The following CLU variants were observed in gnomAD, a reference collection of about 807,000 sequenced individuals.
CLU encodes the protein aging-associated protein 4.
Under a neutral mutation model 46.4 loss-of-function variants are expected in CLU, and 25 were observed. That is an observed-to-expected ratio of 0.54 (90% CI 0.39 to 0.75). The LOEUF is 0.75. CLU is among the 30% of genes least tolerant of loss of function. CLU has a pLI of 0.00. For synonymous variants in CLU, 235 were observed against 235.1 expected (o/e 1.00, Z 0.00); for missense variants, 504 against 592.1 (o/e 0.85, Z 1.54).
chr8:27,596,990 A>G lies in CLU; in HGVS notation c.*1251T>C, dbSNP rs1438902108. ...TACAATTATGATCACTTAAGCAAAT[A>G]CCTCTGACCCCATAATTCTAATTAA... On this transcript the variant is annotated 3_prime_UTR_variant, in exon 9 of 9. Coordinates refer to ENST00000316403, the MANE Select transcript of CLU (RefSeq NM_001831.4). 1 of 453,940 alleles carries G rather than the reference A, an allele frequency of 2.2e-6. No homozygotes were observed. Among genetic ancestry groups the G allele is most frequent in the Non-Finnish European group, 4.4e-6 (1 of 226,798 alleles). The allele number at this position is 453,940 out of a possible 1,614,324, so 28.1% of individuals were successfully genotyped here.
chr8:27,614,509 C>T, intron 1 of CLU, 146 bp downstream of exon 1: 4 of 359,084 alleles, frequency 1.1e-5, no homozygotes, highest in South Asian at 9.0e-5. Flanking sequence ...GGCCACCTCC[C>T]CTCCCTGGCT....
At chr8:27,598,365 C>G in intron 8 of CLU, 95 bp downstream of exon 8, 1 of 1,598,174 alleles carries the variant, frequency 6.3e-7, no homozygotes, top group Non-Finnish European at 8.6e-7. Context: ...GAGTCGTTCC[C>G]ACCAGGCTAT....
intron 6 of CLU, among the ~76,000 whole-genome samples, chr8:27,600,788 A>G (rs562054187): frequency 4.6e-5 from 7 of 152,312 alleles, no homozygotes; most frequent in African/African-American, 9.6e-5. Flanking sequence ...CGTCCCAGAC[A>G]CCGCAGAAAG....
intron 3 of CLU, 92 bp from the exon 4 acceptor site, chr8:27,606,616 GC>G: frequency 6.6e-7 from 1 of 1,521,012 alleles, no homozygotes; most frequent in Non-Finnish European, 9.1e-7. Context: ...CTGCCCCAGG[GC>G]AGGCCTTCCC....
intron 6 of CLU, among the ~76,000 whole-genome samples, chr8:27,602,590 G>A (rs866726391): frequency 3.2e-4 from 46 of 142,390 alleles, no homozygotes; most frequent in African/African-American, 1.2e-3. Context: ...GATAGAGAGA[G>A]ACCCTGTCTC....
intron 4 of CLU, 31 bp from the exon 5 acceptor site, chr8:27,605,366 G>A (rs1478080263): frequency 4.3e-6 from 7 of 1,613,494 alleles, no homozygotes; most frequent in Non-Finnish European, 5.9e-6. Context: ...ACAGTTAGGA[G>A]AAGCTCACCA....
chr8:27,598,391 T>C, intron 8 of CLU, 69 bp downstream of exon 8: 1 of 1,607,796 alleles, frequency 6.2e-7, no homozygotes, highest in African/African-American at 1.3e-5. Flanking sequence ...CTGCACTTTG[T>C]TTGTTTTTTT....
At position 27,599,539 on chromosome 8, in the gene CLU, G is replaced by A. The variant is rs371782653; in HGVS notation, c.1164+241C>T. The A allele has an allele frequency of 3.9e-5, 21 of 534,054 alleles. 1 individual carries two copies. The highest frequency in any genetic ancestry group is 2.8e-4 in the South Asian group (13 of 46,478). 33.1% of individuals were successfully genotyped at this position (534,054 alleles called of 1,614,324 possible). A position where few individuals can be genotyped will look rare whatever the true frequency, so the allele number is the denominator to read the frequency against. On this transcript the variant is annotated intron_variant, in intron 7 of 8. Coordinates refer to ENST00000316403, the MANE Select transcript of CLU (RefSeq NM_001831.4). This position sits in a 1 kb window ranked among gnomAD's most constrained non-coding sequence, Gnocchi z 4.0. ...GCCAGGCAGTCAGGTTCAAATACCCGTCCAAGTCATCTGTCAGCTATCACA... is the reference window on the plus strand; with the variant it reads ...GCCAGGCAGTCAGGTTCAAATACCCATCCAAGTCATCTGTCAGCTATCACA...
In CLU at chr8:27,598,646, CAA is replaced by C. The variant is rs1227926109; in HGVS notation, c.1165-13_1165-12del. ...AGTGTGGGAAGCCACCTAAATGGAA[CAA>C]GAGAAAAGGGAAGAGCTGAAACACT... On this transcript the variant is annotated splice_polypyrimidine_tract_variant and intron_variant, in intron 7 of 8. Coordinates refer to ENST00000316403, the MANE Select transcript of CLU (RefSeq NM_001831.4). 1.3e-5 allele frequency: 21 copies of C among 1,613,632 alleles called. No homozygotes were observed. The highest frequency in any genetic ancestry group is 1.7e-5 in the Non-Finnish European group (20 of 1,179,892).
intron 6 of CLU, among the ~76,000 whole-genome samples, chr8:27,603,657 GC>G (rs1339873657): frequency 6.6e-6 from 1 of 152,212 alleles, no homozygotes; most frequent in Non-Finnish European, 1.5e-5. Context: ...AGGGACTATT[GC>G]TTGGATGCCC....
intron 1 of CLU, chr8:27,611,210 T>A (rs1450202053): frequency 4.4e-6 from 2 of 454,066 alleles, no homozygotes; most frequent in African/African-American, 2.0e-5. Flanking sequence ...TCCATCTGCA[T>A]CCCTAGTGGG....
intron 6 of CLU, among the ~76,000 whole-genome samples, chr8:27,600,973 C>T (rs985241802): frequency 1.3e-5 from 2 of 152,184 alleles, no homozygotes; most frequent in African/African-American, 2.4e-5. Flanking sequence ...TCTCTGGGCC[C>T]GGGATTGAAC....
In CLU at chr8:27,610,498, G is replaced by C. The variant is rs543157739; in HGVS notation, c.74C>G (p.Thr25Arg). 1 of 1,614,008 alleles carries C rather than the reference G, an allele frequency of 6.2e-7. No individual in the cohort carries two copies. Among genetic ancestry groups the C allele is most frequent in the South Asian group, 1.1e-5 (1 of 91,086 alleles). The change falls in exon 2 of 9, where the codon ACG (threonine) becomes AGG (arginine). Residue 25 changes from threonine (T) to arginine (R), a missense_variant. This residue lies in a region of CLU where 73 missense variants were observed against 91.2 expected (regional missense o/e 0.80). Coordinates refer to ENST00000316403, the MANE Select transcript of CLU (RefSeq NM_001831.4). ...WESGQVLGDQTVSDNELQEMS... is the reference protein window; with the variant it reads ...WESGQVLGDQRVSDNELQEMS... ...ACCCTGGAGCTCATTGTCTGAGACC[G>C]TCTGGTCCCCCAGGACCTGCCCACT...
intron 6 of CLU, 81 bp downstream of exon 6, chr8:27,604,210 A>C (rs1445219738): frequency 1.5e-5 from 16 of 1,088,630 alleles, no homozygotes; most frequent in Non-Finnish European, 2.1e-5. Context: ...TGACTCCATA[A>C]AGGCAGCACC....
chr8:27,612,104 AG>A (rs967835546), intron 1 of CLU: 3 of 315,824 alleles, frequency 9.5e-6, no homozygotes, highest in Admixed American at 4.5e-5. Context: ...AGTCTGCTCC[AG>A]GGAGCCTGGG....
At chr8:27,604,257 G>T in intron 6 of CLU, 34 bp downstream of exon 6, 1 of 1,471,976 alleles carries the variant, frequency 6.8e-7, no homozygotes. Context: ...CAAGGGATCA[G>T]GGGGGACGGC....
chr8:27,600,504 G>A (rs1800700412), intron 6 of CLU, among the ~76,000 whole-genome samples: 1 of 152,234 alleles, frequency 6.6e-6, no homozygotes, highest in Non-Finnish European at 1.5e-5. Flanking sequence ...GATTACTGGT[G>A]TGAGCCACCA....
At chr8:27,602,236 A>C (rs1800734615) in intron 6 of CLU, among the ~76,000 whole-genome samples, 1 of 152,106 alleles carries the variant, frequency 6.6e-6, no homozygotes, top group Middle Eastern at 3.2e-3. Flanking sequence ...GGAGCTGCTG[A>C]CCTCTAGTGG....
intron 4 of CLU, 93 bp from the exon 5 acceptor site, chr8:27,605,428 C>T: frequency 7.4e-7 from 1 of 1,343,034 alleles, no homozygotes; most frequent in Non-Finnish European, 1.1e-6. Flanking sequence ...CCAGGCCCTG[C>T]CCATGGCTGT....
Sources: gnomAD v4.1 joint callset for allele counts (sites outside exome capture counted in the v4.1 genomes callset) on GRCh38, gnomAD v4.1.1 for gene constraint, gnomAD v4.1.1 regional missense constraint, Gnocchi (gnomAD v3.1) non-coding constraint, MANE v1.5 for transcripts, NCBI Gene and HGNC (gene_info 2026-07-23, HGNC 2026-07-21) for gene names.